Variants in CNBD1 observed in about 807,000 individuals in gnomAD.
CNBD1 encodes the protein cyclic nucleotide binding domain containing 1, also known as cyclic nucleotide-binding domain-containing protein 1.
A neutral mutation model predicts 54.4 loss-of-function variants in CNBD1; 71 were observed. The observed-to-expected ratio is 1.30, with a 90% CI of 1.08 to 1.59. The LOEUF (loss-of-function observed/expected upper bound fraction) is 1.59. Among genes scored for constraint, CNBD1 ranks in the 40% most tolerant of loss-of-function variants. The probability of loss-of-function intolerance (pLI) is 0.00; values close to 1 mark genes in which losing one functional copy is unlikely to be tolerated. For missense variants in CNBD1, 659 were observed against 518.0 expected (o/e 1.27, Z -2.64); for synonymous variants, 182 against 170.7 (o/e 1.07, Z -0.51).
At chr8:86,939,868 T>C (rs1002290802) in intron 4 of CNBD1, 114 bp downstream of exon 4, 15 of 645,710 alleles carry the variant, frequency 2.3e-5, no homozygotes, top group Admixed American at 1.0e-4. Context: ...ACAGCACTCA[T>C]GGTTGATTCA....
chr8:87,400,527 T>C (rs9692968), intron 2 of CNBD1, among the ~76,000 whole-genome samples: 86,015 of 151,772 alleles, frequency 0.57, 25,896 homozygotes, highest in African/African-American at 0.77. Flanking sequence ...TCAATTCTAA[T>C]GGCCATCAAT....
intron 2 of CNBD1, among the ~76,000 whole-genome samples, chr8:86,896,311 G>GT (rs1373235290): frequency 6.6e-6 from 1 of 152,032 alleles, no homozygotes; most frequent in Non-Finnish European, 1.5e-5. Flanking sequence ...CTTTATAAAA[G>GT]TACCAATGGC....
At chr8:87,181,243 A>G (rs138507006) in intron 4 of CNBD1, among the ~76,000 whole-genome samples, 1 of 152,234 alleles carries the variant, frequency 6.6e-6, no homozygotes, top group East Asian at 1.9e-4. Flanking sequence ...TTATGAATAC[A>G]CAATAACTGC....
At chr8:87,418,499 A>C (rs898942767) in intron 2 of CNBD1, among the ~76,000 whole-genome samples, 1 of 151,962 alleles carries the variant, frequency 6.6e-6, no homozygotes, top group Admixed American at 6.6e-5. Context: ...CCAAAGAAAG[A>C]CTAGATAAAC....
rs575150238 is a variant in CNBD1 at position 87,024,766 on chromosome 8, G to A, written c.431+85012G>A. On this transcript the variant is annotated intron_variant, in intron 4 of 10. Transcript: ENST00000518476. Reference sequence around the variant, plus strand: ...GTTGTTTTAAAGACTTCTTCTCCTAGATAACGAGATAATTTTGTAACTTTG... The same window carrying A: ...GTTGTTTTAAAGACTTCTTCTCCTAAATAACGAGATAATTTTGTAACTTTG... Among the ~76,000 whole-genome samples, 10 of 152,230 alleles carry A rather than the reference G, an allele frequency of 6.6e-5. 1 individual carries two copies. Among genetic ancestry groups the A allele is most frequent in the African/African-American group, 2.4e-4 (10 of 41,520 alleles).
chr8:87,395,047 C>T (rs10101259), intron 2 of CNBD1, among the ~76,000 whole-genome samples: 85,984 of 151,590 alleles, frequency 0.57, 25,901 homozygotes, highest in African/African-American at 0.77. Context: ...AAAAGCACTT[C>T]GCTTAATGTT....
At chr8:87,136,456 A>G (rs1226788790) in intron 4 of CNBD1, among the ~76,000 whole-genome samples, 2 of 143,426 alleles carry the variant, frequency 1.4e-5, no homozygotes, top group Non-Finnish European at 3.0e-5. Context: ...TATTAATAGA[A>G]TATGTGAGCA....
chr8:87,265,560 T>C (rs926740891), intron 6 of CNBD1, among the ~76,000 whole-genome samples: 2 of 152,104 alleles, frequency 1.3e-5, no homozygotes, highest in African/African-American at 4.8e-5. Flanking sequence ...TTTTAAAAAA[T>C]TAAAGTAAAT....
chr8:87,039,078 C>T (rs1266279433), intron 4 of CNBD1, among the ~76,000 whole-genome samples: 3 of 152,084 alleles, frequency 2.0e-5, no homozygotes, highest in Admixed American at 6.5e-5. Context: ...ACTGTAATGA[C>T]CTCTTTTTTC....
At chr8:87,070,426 C>T (rs767846478) in intron 4 of CNBD1, among the ~76,000 whole-genome samples, 5 of 151,958 alleles carry the variant, frequency 3.3e-5, no homozygotes, top group Non-Finnish European at 5.9e-5. Flanking sequence ...CAGATAAGAT[C>T]CTACACATAC....
intron 2 of CNBD1, among the ~76,000 whole-genome samples, chr8:87,409,716 A>C (rs1396084186): frequency 6.6e-6 from 1 of 152,106 alleles, no homozygotes; most frequent in African/African-American, 2.4e-5. Context: ...CCAGGGGCTT[A>C]AGAATTAAGC....
chr8:86,890,808 T>C (rs1401663470), intron 2 of CNBD1, among the ~76,000 whole-genome samples: 1 of 152,134 alleles, frequency 6.6e-6, no homozygotes, highest in Non-Finnish European at 1.5e-5. Flanking sequence ...TATCTCACTG[T>C]GGCTTTAGTT....
intron 6 of CNBD1, among the ~76,000 whole-genome samples, chr8:87,256,015 A>ATATTTTTTT (rs1563526157): frequency 6.3e-5 from 1 of 15,784 alleles, no homozygotes. Flanking sequence ...ATATATATAT[A>ATATTTTTTT]TTTTTTTTTT....
chr8:87,145,010 T>C (rs1244710062), intron 4 of CNBD1, among the ~76,000 whole-genome samples: 1 of 152,066 alleles, frequency 6.6e-6, no homozygotes, highest in Non-Finnish European at 1.5e-5. Flanking sequence ...TAACTGGAGT[T>C]CTAGAGGACA....
At chr8:87,203,280 G>T (rs1813901854) in intron 4 of CNBD1, among the ~76,000 whole-genome samples, 1 of 152,058 alleles carries the variant, frequency 6.6e-6, no homozygotes, top group Admixed American at 6.6e-5. Context: ...TCTATATTAT[G>T]AATATATCTG....
chr8:87,238,651 G>A (rs1159434222), intron 6 of CNBD1, among the ~76,000 whole-genome samples: 2 of 151,972 alleles, frequency 1.3e-5, no homozygotes, highest in East Asian at 1.9e-4. Flanking sequence ...ATATCTATGT[G>A]CATATCTATC....
intron 10 of CNBD1, among the ~76,000 whole-genome samples, chr8:87,378,761 T>C (rs1368729518): frequency 4.0e-5 from 6 of 150,938 alleles, no homozygotes; most frequent in East Asian, 3.9e-4. Flanking sequence ...GACATTTTCA[T>C]GATATTGATT....
At chr8:87,401,773 C>A (rs1807569568) in intron 2 of CNBD1, among the ~76,000 whole-genome samples, 1 of 151,970 alleles carries the variant, frequency 6.6e-6, no homozygotes, top group South Asian at 2.1e-4. Flanking sequence ...ACAAGTAAAG[C>A]TATACATAAA....
chr8:87,376,773 A>G (rs2130954504), intron 10 of CNBD1, among the ~76,000 whole-genome samples: 1 of 152,126 alleles, frequency 6.6e-6, no homozygotes, highest in Non-Finnish European at 1.5e-5. Context: ...TATAAAGCAT[A>G]AGTAACTTGC....
Sources: gnomAD v4.1 joint callset for allele counts (sites outside exome capture counted in the v4.1 genomes callset) on GRCh38, gnomAD v4.1.1 for gene constraint, MANE v1.5 for transcripts, NCBI Gene and HGNC (gene_info 2026-07-23, HGNC 2026-07-21) for gene names.